The following SPARCL1 variants were observed in gnomAD, a reference collection of about 807,000 sequenced individuals.
SPARCL1 encodes SPARC-like protein 1.
A neutral mutation model predicts 67.1 loss-of-function variants in SPARCL1; 52 were observed. The ratio of observed to expected loss-of-function variants is 0.78; its 90% confidence interval spans 0.62 to 0.98. The LOEUF (loss-of-function observed/expected upper bound fraction) is 0.98. Among genes scored for constraint, SPARCL1 ranks in the 50% least tolerant of loss-of-function variants. The pLI is 0.00. For synonymous variants in SPARCL1, 226 were observed against 267.8 expected, an observed-to-expected ratio of 0.84 and a Z score of 1.52; for missense variants, 717 against 782.4, an observed-to-expected ratio of 0.92 and a Z score of 1.00.
At chr4:87,487,055 G>C (rs905385021) in intron 7 of SPARCL1, among the ~76,000 whole-genome samples, 1 of 151,510 alleles carries the variant, frequency 6.6e-6, no homozygotes, top group African/African-American at 2.4e-5. Flanking sequence ...CAATTTGCCA[G>C]TCTGTGTCTT....
intron 8 of SPARCL1, 127 bp from the exon 9 acceptor site, chr4:87,480,647 G>T: frequency 1.3e-6 from 1 of 772,878 alleles, no homozygotes; most frequent in Non-Finnish European, 2.0e-6. Flanking sequence ...GACATCATGT[G>T]CAACTAAATG....
In SPARCL1 at chr4:87,494,091, TG is replaced by T; in HGVS notation, c.708del (p.Asp236GlufsTer18). ...TCCAAAATATCATCAGATTGGGTATTGTCTTCCTCCTGCTTGCTGTTAGCAT... is the reference window on the plus strand; with the variant it reads ...TCCAAAATATCATCAGATTGGGTATTTCTTCCTCCTGCTTGCTGTTAGCAT... ...REHANSKQEEDNTQSDDILEE... is the reference protein window; with the variant it reads ...REHANSKQEEXNTQSDDILEE... On this transcript the variant is annotated frameshift_variant, in exon 4 of 11. Coordinates refer to ENST00000282470, the MANE Select transcript of SPARCL1 (RefSeq NM_004684.6). LOFTEE classifies it high-confidence loss of function. The T allele has an allele frequency of 6.2e-7, 1 of 1,614,038 alleles. No homozygotes were observed. The highest frequency in any genetic ancestry group is 8.5e-7 in the Non-Finnish European group (1 of 1,180,032).
Position 87,490,874 on chromosome 4 carries a change from A to G in SPARCL1, c.1296T>C (p.Ser432=), listed in dbSNP as rs749867653. 17 of 1,561,464 alleles carry G rather than the reference A, an allele frequency of 1.1e-5. No individual in the cohort carries two copies. The highest frequency in any genetic ancestry group is 1.7e-4 in the Middle Eastern group (1 of 5,896). The part of the protein sequence containing the change: ...EGNMRVHAVD[S]CMSFQCKRGH... ...CTCTTTTACACTGGAAGCTCATGCA[A>G]GAATCTAACAGAAAAGATTGGGCAG... Residue 432 remains serine (S), a synonymous_variant, in exon 6 of 11, where the codon TCT becomes TCC. Coordinates refer to ENST00000282470, the MANE Select transcript of SPARCL1 (RefSeq NM_004684.6).
intron 1 of SPARCL1, among the ~76,000 whole-genome samples, chr4:87,520,005 C>T (rs561561139): frequency 1.6e-4 from 24 of 151,838 alleles, no homozygotes; most frequent in Non-Finnish European, 3.2e-4. Context: ...TTTGGGAGGC[C>T]GAGGTGGGTG....
intron 1 of SPARCL1, among the ~76,000 whole-genome samples, chr4:87,513,081 A>G (rs1725439643): frequency 6.6e-6 from 1 of 152,176 alleles, no homozygotes; most frequent in Admixed American, 6.5e-5. Flanking sequence ...CTTTAACACA[A>G]AAGGGAGGAA....
chr4:87,506,777 TCTATC>T (rs1725095001), intron 1 of SPARCL1, among the ~76,000 whole-genome samples: 1 of 46,974 alleles, frequency 2.1e-5, no homozygotes, highest in African/African-American at 9.8e-5. Context: ...TCTCTATCTA[TCTATC>T]ATCTATCTAT....
chr4:87,508,205 CTT>C lies in SPARCL1; in HGVS notation c.-11-8622_-11-8621del, dbSNP rs565382543. On this transcript the variant is annotated intron_variant, in intron 1 of 10. Transcript: ENST00000282470. ...CCGGTAAGGCCCATCTGTTCAGATT[CTT>C]TTTGGCCTCTTTTTTTTTTCCTTTG... 1.9e-4 allele frequency among the ~76,000 whole-genome samples: 28 copies of C among 144,122 alleles called. No individual in the cohort carries two copies. The South Asian group carries it at 6.9e-3, about 35-fold the overall frequency. 94.5% of individuals were successfully genotyped at this position (144,122 alleles called of 152,430 possible). A position where few individuals can be genotyped will look rare whatever the true frequency, so the allele number is the denominator to read the frequency against.
At position 87,473,773 on chromosome 4, in the gene SPARCL1, G is replaced by T. The variant is rs770032343; in HGVS notation, c.*2C>A. On this transcript the variant is annotated 3_prime_UTR_variant, in exon 11 of 11. Transcript: ENST00000282470. Reference sequence around the variant, plus strand: ...GAAAGTTGAGTTCTTTAAAATCTTCGTTCAAAACAAGAGATTTTCATCTAT... The same window carrying T: ...GAAAGTTGAGTTCTTTAAAATCTTCTTTCAAAACAAGAGATTTTCATCTAT... 6.2e-7 allele frequency: 1 copy of T among 1,607,252 alleles called. No homozygotes were observed. Among genetic ancestry groups the T allele is most frequent in the South Asian group, 1.1e-5 (1 of 90,424 alleles).
intron 1 of SPARCL1, among the ~76,000 whole-genome samples, chr4:87,526,293 A>G (rs1263589478): frequency 6.6e-6 from 1 of 152,136 alleles, no homozygotes; most frequent in African/African-American, 2.4e-5. Flanking sequence ...TTACTTTTAC[A>G]TTTCTTTGGA....
intron 1 of SPARCL1, among the ~76,000 whole-genome samples, chr4:87,499,826 A>G (rs1431473396): frequency 6.6e-6 from 1 of 152,154 alleles, no homozygotes; most frequent in Non-Finnish European, 1.5e-5. Flanking sequence ...ATCTCTGTTT[A>G]TGACAGTACT....
chr4:87,509,919 AG>A (rs1725276613), intron 1 of SPARCL1, among the ~76,000 whole-genome samples: 1 of 152,184 alleles, frequency 6.6e-6, no homozygotes, highest in South Asian at 2.1e-4. Context: ...TGTAACATCA[AG>A]GTGAGGTGGT....
At chr4:87,499,040 A>G (rs1490761858) in intron 2 of SPARCL1, among the ~76,000 whole-genome samples, 1 of 151,796 alleles carries the variant, frequency 6.6e-6, no homozygotes, top group Admixed American at 6.6e-5. Context: ...ATGCCCGGCT[A>G]ATTTTTGTAT....
intron 1 of SPARCL1, among the ~76,000 whole-genome samples, chr4:87,503,683 C>CTTTTTTTTTTT (rs60057481): frequency 7.2e-6 from 1 of 138,056 alleles, no homozygotes; most frequent in African/African-American, 2.7e-5. Context: ...TTTTTTTTTC[C>CTTTTTTTTTTT]TTTTTTTTTT....
At chr4:87,504,135 TTGTGTGTG>T (rs70957258) in intron 1 of SPARCL1, among the ~76,000 whole-genome samples, 696 of 30,926 alleles carry the variant, frequency 0.023, 18 homozygotes, top group African/African-American at 0.064. Flanking sequence ...TGATTTGGTA[TTGTGTGTG>T]TGTGTGTGTG....
intron 1 of SPARCL1, among the ~76,000 whole-genome samples, chr4:87,505,656 G>A (rs1179686695): frequency 3.3e-5 from 5 of 151,874 alleles, no homozygotes; most frequent in Admixed American, 3.3e-4. Flanking sequence ...CTGGGCTCAG[G>A]TGATCCTCCT....
intron 2 of SPARCL1, among the ~76,000 whole-genome samples, chr4:87,496,494 C>T (rs538901967): frequency 6.6e-6 from 1 of 152,296 alleles, no homozygotes; most frequent in African/African-American, 2.4e-5. Context: ...GCTGGGATTA[C>T]AGGTGTGAGC....
rs537622727 is a variant in SPARCL1 at position 87,507,593 on chromosome 4, C to G, written c.-11-8008G>C. 5.3e-5 allele frequency among the ~76,000 whole-genome samples: 8 copies of G among 152,334 alleles called. No individual in the cohort carries two copies. In the South Asian group the frequency reaches 1.7e-3, roughly 32 times the overall value. Reference sequence around the variant, plus strand: ...TGGTCTCACACCACGCTACAATCAACACAGAAGACTTCTGTGACCAAATGT... The same window carrying G: ...TGGTCTCACACCACGCTACAATCAAGACAGAAGACTTCTGTGACCAAATGT... On this transcript the variant is annotated intron_variant, in intron 1 of 10. Coordinates refer to ENST00000282470, the MANE Select transcript of SPARCL1 (RefSeq NM_004684.6).
At chr4:87,501,189 C>T (rs1724831086) in intron 1 of SPARCL1, among the ~76,000 whole-genome samples, 1 of 152,152 alleles carries the variant, frequency 6.6e-6, no homozygotes, top group Non-Finnish European at 1.5e-5. Context: ...CCCAGAGCCT[C>T]GGAGTTCTTG....
chr4:87,479,675 C>T lies in SPARCL1; in HGVS notation c.1818-97G>A, dbSNP rs140258259. ...AGGACATTTTTCTCCCATAAGGTTG[C>T]TGTATATGTGATATAAATAGAATAC... is the stretch of plus-strand genomic sequence containing the variant. On this transcript the variant is annotated intron_variant, in intron 9 of 10. Coordinates refer to ENST00000282470, the MANE Select transcript of SPARCL1 (RefSeq NM_004684.6). The T allele has an allele frequency of 1.4e-3, 1,662 of 1,166,318 alleles. 39 individuals are homozygous for T. In the Admixed American group the frequency reaches 0.033, roughly 23 times the overall value. 72.2% of individuals were successfully genotyped at this position (1,166,318 alleles called of 1,614,324 possible).
Sources: gnomAD v4.1 joint callset for allele counts (sites outside exome capture counted in the v4.1 genomes callset) on GRCh38, gnomAD v4.1.1 for gene constraint, MANE v1.5 for transcripts, NCBI Gene and HGNC (gene_info 2026-07-23, HGNC 2026-07-21) for gene names.